The following SLFN14 variants were observed in gnomAD, a reference collection of about 807,000 sequenced individuals.
SLFN14 encodes the protein schlafen family member 14, also known as protein SLFN14.
SLFN14 carries 47 observed loss-of-function variants against 58.6 expected under a neutral mutation model. That is an observed-to-expected ratio of 0.80 (90% CI 0.64 to 1.02). The LOEUF is 1.02. Among genes scored for constraint, SLFN14 ranks in the 50% least tolerant of loss-of-function variants. The pLI is 0.00. For synonymous variants in SLFN14, 390 were observed against 387.3 expected (o/e 1.01, Z -0.08); for missense variants, 967 against 1,078.4 (o/e 0.90, Z 1.45).
chr17:35,553,674 T>C (rs1330579126), intron 4 of SLFN14, among the ~76,000 whole-genome samples: 1 of 152,186 alleles, frequency 6.6e-6, no homozygotes, highest in African/African-American at 2.4e-5. Context: ...GGAGTCTCGC[T>C]GTCACCCAGA....
In SLFN14 at chr17:35,553,095, T is replaced by C; in HGVS notation, c.1539A>G (p.Ile513Met). 6.4e-7 allele frequency: 1 copy of C among 1,551,650 alleles called. No individual in the cohort carries two copies. The highest frequency in any genetic ancestry group is 2.4e-5 in the East Asian group (1 of 40,924). ...GTCTACTCTGTGTGCTGCTCAGGTG[T>C]ATCAGCCTTGGAATGATGCACACTT... ...TGKVCIIPRL[I>M]HLSSTQSRPG... is the part of the protein sequence containing the mutation. Residue 513 changes from isoleucine to methionine, a missense_variant, in exon 5 of 6, where the codon ATA becomes ATG. Ile to Met is a conservative substitution (Grantham distance 10, BLOSUM62 1). Coordinates refer to ENST00000674182, the MANE Select transcript of SLFN14 (RefSeq NM_001129820.2).
chr17:35,549,045 T>C lies in SLFN14; in HGVS notation c.1933A>G (p.Arg645Gly), dbSNP rs1257853103. ...TQQTTCQAVT[R>G]KTFMQGEFLK... ...AACTCCCCTTGCATGAAAGTTTTCC[T>C]GGTCACAGCTTGGCAGGTGGTTTGT... The change falls in exon 6 of 6, where the codon AGG (arginine) becomes GGG (glycine). Residue 645 changes from arginine to glycine, a missense_variant. Coordinates refer to ENST00000674182, the MANE Select transcript of SLFN14 (RefSeq NM_001129820.2). 4 of 1,551,620 alleles carry C rather than the reference T, an allele frequency of 2.6e-6. No individual in the cohort carries two copies. Among genetic ancestry groups the C allele is most frequent in the Non-Finnish European group, 3.5e-6 (4 of 1,146,960 alleles).
Position 35,549,062 on chromosome 17 carries a change from G to A in SLFN14, c.1916C>T (p.Thr639Ile), listed in dbSNP as rs1457561956. 7.1e-6 allele frequency: 11 copies of A among 1,551,286 alleles called. No homozygotes were observed. Among genetic ancestry groups the A allele is most frequent in the Non-Finnish European group, 8.7e-6 (10 of 1,146,822 alleles). The change falls in exon 6 of 6, where the codon ACC (threonine) becomes ATC (isoleucine). Residue 639 changes from threonine (T) to isoleucine (I), a missense_variant. Physicochemically the swap from Thr to Ile is moderately conservative, Grantham distance 89. Transcript: ENST00000674182. ...SLKDFVTQQT[T>I]CQAVTRKTFM... is the part of the protein sequence containing the mutation. ...AGTTTTCCTGGTCACAGCTTGGCAG[G>A]TGGTTTGTTGGCTGTAAGGACGGAA... is the stretch of plus-strand genomic sequence containing the variant.
chr17:35,545,796 AC>A lies in SLFN14; in HGVS notation c.*2442del, dbSNP rs1253972637. Among the ~76,000 whole-genome samples the A allele has an allele frequency of 6.6e-6, 1 of 152,096 alleles. No individual in the cohort carries two copies. Among genetic ancestry groups the A allele is most frequent in the East Asian group, 1.9e-4 (1 of 5,198 alleles). On this transcript the variant is annotated 3_prime_UTR_variant, in exon 6 of 6. Transcript: ENST00000674182. ...TGGTATTACAGGCACCAGCCACTGC[AC>A]CCTGCCTGGACAACATTTAATAAAT...
chr17:35,554,840 G>T (rs1362404732), intron 3 of SLFN14, 136 bp from the exon 4 acceptor site: 5 of 582,554 alleles, frequency 8.6e-6, no homozygotes, highest in Middle Eastern at 4.5e-4. Context: ...TACTTACTAT[G>T]CGTCAGACAG....
chr17:35,554,684 C>A lies in SLFN14; in HGVS notation c.1081G>T (p.Asp361Tyr). 1 of 1,465,032 alleles carries A rather than the reference C, an allele frequency of 6.8e-7. No individual in the cohort carries two copies. Among genetic ancestry groups the A allele is most frequent in the Non-Finnish European group, 9.1e-7 (1 of 1,101,782 alleles). The allele number at this position is 1,465,032 out of a possible 1,614,324, so 90.8% of individuals were successfully genotyped here. A position where few individuals can be genotyped will look rare whatever the true frequency, so the allele number is the denominator to read the frequency against. Residue 361 changes from aspartate (D) to tyrosine (Y), a missense_variant, in exon 4 of 6, where the codon GAC becomes TAC. Physicochemically the swap from Asp to Tyr is radical, Grantham distance 160 (BLOSUM62 -3). Coordinates refer to ENST00000674182, the MANE Select transcript of SLFN14 (RefSeq NM_001129820.2). ...TQSAPPSLVT[D>Y]YNSCLISSAS... is the part of the protein sequence containing the mutation. ...GATGAAATCAGGCAAGAGTTGTAGT[C>A]TGTGACCAAACTGGGAGGAGCTAGA... is the stretch of plus-strand genomic sequence containing the variant.
At position 35,553,065 on chromosome 17, in the gene SLFN14, A is replaced by G. The variant is rs894281680; in HGVS notation, c.1569T>C (p.Gly523=). Residue 523 remains glycine (G), a synonymous_variant, in exon 5 of 6, where the codon GGT becomes GGC. Transcript: ENST00000674182. ...IHLSSTQSRP[G]EIPLRYPRSY... ...ACCTGGGGTAACGCAGGGGGATCTCACCAGGTCTACTCTGTGTGCTGCTCA... is the reference window on the plus strand; with the variant it reads ...ACCTGGGGTAACGCAGGGGGATCTCGCCAGGTCTACTCTGTGTGCTGCTCA... 1.3e-6 allele frequency: 2 copies of G among 1,551,548 alleles called. No individual in the cohort carries two copies. Among genetic ancestry groups the G allele is most frequent in the African/African-American group, 2.7e-5 (2 of 73,042 alleles).
rs76190019 is a variant in SLFN14, at chr17:35,545,212, C to A, written c.*3027G>T. Among the ~76,000 whole-genome samples, 4,195 of 152,298 alleles carry A rather than the reference C, an allele frequency of 0.028. 79 individuals carry two copies. Among genetic ancestry groups the A allele is most frequent in the South Asian group, 0.073 (354 of 4,822 alleles). ...TTCTCCACACTGACTTCTTTGAAAT[C>A]TCTAACATTAGAAATTCATACTATC... On this transcript the variant is annotated 3_prime_UTR_variant, in exon 6 of 6. Transcript: ENST00000674182.
chr17:35,554,768 A>T (rs1481112711), intron 3 of SLFN14, 64 bp from the exon 4 acceptor site: 16 of 1,045,248 alleles, frequency 1.5e-5, no homozygotes, highest in Non-Finnish European at 1.6e-5. Flanking sequence ...AAAAAAAAAA[A>T]GCCTCTTTTT....
Position 35,554,604 on chromosome 17 carries a change from C to G in SLFN14, c.1161G>C (p.Lys387Asn). 1 of 1,535,930 alleles carries G rather than the reference C, an allele frequency of 6.5e-7. No individual in the cohort carries two copies. The highest frequency in any genetic ancestry group is 8.8e-7 in the Non-Finnish European group (1 of 1,139,954). ...GAAACAAATGTCGTTGCAGAGCCTC[C>G]TTAAATTTGTGGACTTTTATGGGAT... is the stretch of plus-strand genomic sequence containing the variant. ...PGYPIKVHKF[K>N]EALQRHLFPV... The change falls in exon 4 of 6, where the codon AAG (lysine) becomes AAC (asparagine). Residue 387 changes from lysine to asparagine, a missense_variant. By Grantham distance (94) the Lys-to-Asn change is moderately conservative. Coordinates refer to ENST00000674182, the MANE Select transcript of SLFN14 (RefSeq NM_001129820.2).
chr17:35,556,483 C>G (rs566155901), intron 3 of SLFN14, among the ~76,000 whole-genome samples: 1 of 152,088 alleles, frequency 6.6e-6, no homozygotes. Flanking sequence ...CTGTAACTTT[C>G]CTTTAAAAGT....
In SLFN14 at chr17:35,558,117, G is replaced by A. The variant is rs968473454; in HGVS notation, c.-44-11C>T. The A allele has an allele frequency of 7.9e-6, 11 of 1,401,242 alleles. No homozygotes were observed. The South Asian group carries it at 1.2e-4, about 16-fold the overall frequency. The allele number at this position is 1,401,242 out of a possible 1,614,324, so 86.8% of individuals were successfully genotyped here. ...AAAAGAAAGGAGTTCCTATAATCAG[G>A]ACAGAAATATTGTTTCTATATTAAT... is the stretch of plus-strand genomic sequence containing the variant. On this transcript the variant is annotated splice_polypyrimidine_tract_variant and intron_variant, in intron 2 of 5. Transcript: ENST00000674182.
intron 3 of SLFN14, 199 bp from the exon 4 acceptor site, chr17:35,554,903 A>G (rs1032158613): frequency 2.0e-5 from 7 of 358,890 alleles, no homozygotes; most frequent in African/African-American, 1.3e-4. Context: ...GACATATCAC[A>G]CATATTCTAA....
At chr17:35,552,634 A>G (rs2072603125) in intron 5 of SLFN14, 96 bp downstream of exon 5, 3 of 399,474 alleles carry the variant, frequency 7.5e-6, no homozygotes, top group Admixed American at 5.5e-5. Context: ...ACACATATAT[A>G]TACATATATA....
chr17:35,553,532 G>A, intron 4 of SLFN14, 88 bp from the exon 5 acceptor site: 1 of 1,014,246 alleles, frequency 9.9e-7, no homozygotes, highest in South Asian at 1.8e-5. Flanking sequence ...ATGATACCTG[G>A]TGCATTTGGG....
Position 35,547,818 on chromosome 17 carries a change from CA to C in SLFN14, c.*420del, listed in dbSNP as rs2072545897. Among the ~76,000 whole-genome samples the C allele has an allele frequency of 6.6e-6, 1 of 152,064 alleles. No homozygotes were observed. The highest frequency in any genetic ancestry group is 1.5e-5 in the Non-Finnish European group (1 of 67,998). ...TGAGAAACATGGGGAGATGGAGATACAATAAAGGATGTGGTTGGGAGAGCAA... is the reference window on the plus strand; with the variant it reads ...TGAGAAACATGGGGAGATGGAGATACATAAAGGATGTGGTTGGGAGAGCAA... On this transcript the variant is annotated 3_prime_UTR_variant, in exon 6 of 6. Coordinates refer to ENST00000674182, the MANE Select transcript of SLFN14 (RefSeq NM_001129820.2).
At chr17:35,554,386 T>A (rs1304990097) in intron 4 of SLFN14, among the ~76,000 whole-genome samples, 190 bp downstream of exon 4, 2 of 147,296 alleles carry the variant, frequency 1.4e-5, no homozygotes, top group Middle Eastern at 3.6e-3. Context: ...AGTATATATA[T>A]GACCCTTGTT....
At chr17:35,556,516 T>C (rs898191063) in intron 3 of SLFN14, among the ~76,000 whole-genome samples, 5 of 152,196 alleles carry the variant, frequency 3.3e-5, no homozygotes, top group African/African-American at 9.7e-5. Flanking sequence ...CCAGGAGTGG[T>C]GGCTCACACC....
chr17:35,546,721 A>T lies in SLFN14; in HGVS notation c.*1518T>A, dbSNP rs2072537135. Among the ~76,000 whole-genome samples the T allele has an allele frequency of 6.6e-6, 1 of 152,242 alleles. No individual in the cohort carries two copies. The highest frequency in any genetic ancestry group is 2.4e-5 in the African/African-American group (1 of 41,460). On this transcript the variant is annotated 3_prime_UTR_variant, in exon 6 of 6. Coordinates refer to ENST00000674182, the MANE Select transcript of SLFN14 (RefSeq NM_001129820.2). ...TTTGATTTCATTTCTAATATGTATC[A>T]TATACATTGGAAAGTTTCACTTAGG...
Sources: allele counts gnomAD v4.1 joint callset (sites outside exome capture counted in the v4.1 genomes callset), GRCh38; gene constraint gnomAD v4.1.1; transcripts MANE v1.5; gene names NCBI Gene and HGNC (gene_info 2026-07-23, HGNC 2026-07-21).